RPS6KC1: variants seen among roughly 807,000 people sequenced by gnomAD.
RPS6KC1 encodes the protein inactive ribosomal protein S6 kinase delta-1.
In RPS6KC1, 54 loss-of-function variants were observed where a neutral mutation model predicts 103.8. The ratio of observed to expected loss-of-function variants is 0.52; its 90% confidence interval spans 0.42 to 0.65. The LOEUF (loss-of-function observed/expected upper bound fraction) is 0.65, where lower values mean the gene tolerates loss of function less well. Ranked by LOEUF, RPS6KC1 falls within the 30% of genes least tolerant of loss-of-function variation. The probability of loss-of-function intolerance (pLI) is 0.00; values close to 1 mark genes in which losing one functional copy is unlikely to be tolerated. For synonymous variants in RPS6KC1, 439 were observed against 438.7 expected, an observed-to-expected ratio of 1.00 and a Z score of -0.01; for missense variants, 1,151 against 1,253.8, an observed-to-expected ratio of 0.92 and a Z score of 1.24.
At chr1:213,331,305 G>A in the RPS6KC1 span, among the ~76,000 whole-genome samples, 3 of 152,218 alleles carry the variant, frequency 2.0e-5, no homozygotes, top group Non-Finnish European at 4.4e-5. Flanking sequence ...CCCACTCTGT[G>A]CAGGAGGGGT....
In RPS6KC1 at chr1:213,241,099, T is replaced by G; in HGVS notation, c.1623T>G (p.Gly541=). 6.2e-7 allele frequency: 1 copy of G among 1,613,666 alleles called. No homozygotes were observed. Among genetic ancestry groups the G allele is most frequent in the Non-Finnish European group, 8.5e-7 (1 of 1,179,912 alleles). The change falls in exon 11 of 15, where the codon GGT becomes GGG. Residue 541 remains glycine, a synonymous_variant. Transcript: ENST00000366960. ...CCTTCATGAAGACTGAAGGGAATGG[T>G]GTTGATACAAAAGCTATTAAAAGCT... ...EEPFMKTEGN[G]VDTKAIKSFP...
At chr1:213,656,341 C>T in the RPS6KC1 span, among the ~76,000 whole-genome samples, 1 of 152,178 alleles carries the variant, frequency 6.6e-6, no homozygotes, top group Non-Finnish European at 1.5e-5. Flanking sequence ...CAAAACGTGA[C>T]AGCACTGGGC....
chr1:213,858,300 A>G, the RPS6KC1 span, among the ~76,000 whole-genome samples: 1 of 152,188 alleles, frequency 6.6e-6, no homozygotes, highest in Non-Finnish European at 1.5e-5. Flanking sequence ...ACTTGTGCCC[A>G]TTTTACAGGT....
In RPS6KC1 at chr1:213,051,295, C is replaced by T. The variant is rs2148218889; in HGVS notation, c.-110C>T. The T allele has an allele frequency of 3.9e-6, 3 of 760,900 alleles. No individual in the cohort carries two copies. The highest frequency in any genetic ancestry group is 2.7e-5 in the East Asian group (1 of 37,196). 47.1% of individuals were successfully genotyped at this position (760,900 alleles called of 1,614,324 possible). ...CGCCGCCGTGGAGCCGCCTTGGAGC[C>T]ACCGCCCCCTCGCCGCTTCGCCGCT... On this transcript the variant is annotated 5_prime_UTR_variant, in exon 1 of 15. Transcript: ENST00000366960.
At chr1:213,799,702 G>C in the RPS6KC1 span, among the ~76,000 whole-genome samples, 1 of 152,154 alleles carries the variant, frequency 6.6e-6, no homozygotes, top group Non-Finnish European at 1.5e-5. Context: ...TGAGATACAA[G>C]AACAGGATAA....
At chr1:213,315,206 A>G in the RPS6KC1 span, among the ~76,000 whole-genome samples, 1 of 152,222 alleles carries the variant, frequency 6.6e-6, no homozygotes, top group Admixed American at 6.5e-5. Context: ...GACCCTTTCA[A>G]CATCATGTGA....
At chr1:213,239,114 A>T (rs188221663) in intron 10 of RPS6KC1, among the ~76,000 whole-genome samples, 13 of 152,326 alleles carry the variant, frequency 8.5e-5, no homozygotes, top group Non-Finnish European at 1.5e-4. Flanking sequence ...TAAGAAAAAA[A>T]TGAGAGGAAA....
At position 213,273,505 on chromosome 1, in the gene RPS6KC1, C is replaced by G. The variant is rs2095087754; in HGVS notation, c.*871C>G. 6.6e-6 allele frequency: 1 copy of G among 151,834 alleles called. No homozygotes were observed. The highest frequency in any genetic ancestry group is 2.4e-5 in the African/African-American group (1 of 41,254). The allele number at this position is 151,834 out of a possible 1,614,324, so 9.4% of individuals were successfully genotyped here. A position where few individuals can be genotyped will look rare whatever the true frequency, so the allele number is the denominator to read the frequency against. On this transcript the variant is annotated 3_prime_UTR_variant, in exon 15 of 15. Transcript: ENST00000366960. ...TTAATAACCCTCCCCCCTTTTTTTCCTTGAAGAAATGCGTCTGTTCCTTTC... is the reference window on the plus strand; with the variant it reads ...TTAATAACCCTCCCCCCTTTTTTTCGTTGAAGAAATGCGTCTGTTCCTTTC...
the RPS6KC1 span, among the ~76,000 whole-genome samples, chr1:213,354,937 G>T: frequency 6.6e-6 from 1 of 152,310 alleles, no homozygotes; most frequent in East Asian, 1.9e-4. Context: ...GGAAAATCAG[G>T]CTGGGTGCAG....
At chr1:213,582,170 A>G in the RPS6KC1 span, among the ~76,000 whole-genome samples, 1 of 148,480 alleles carries the variant, frequency 6.7e-6, no homozygotes, top group African/African-American at 2.5e-5. Context: ...ATGGGAATTT[A>G]TTGAATACGT....
chr1:213,751,610 A>G, the RPS6KC1 span, among the ~76,000 whole-genome samples: 5 of 152,156 alleles, frequency 3.3e-5, no homozygotes, highest in Non-Finnish European at 7.4e-5. Flanking sequence ...GTAACAGAGC[A>G]GGTGAGTGCC....
the RPS6KC1 span, among the ~76,000 whole-genome samples, chr1:213,508,260 A>G: frequency 5.3e-5 from 8 of 152,260 alleles, no homozygotes; most frequent in African/African-American, 1.9e-4. Flanking sequence ...GTGTGCATTG[A>G]AAAAGCCTGT....
the RPS6KC1 span, among the ~76,000 whole-genome samples, chr1:213,316,896 C>A: frequency 6.6e-6 from 1 of 152,124 alleles, no homozygotes; most frequent in Non-Finnish European, 1.5e-5. Context: ...TTGGTGTTAT[C>A]TGAGAAGCTA....
the RPS6KC1 span, among the ~76,000 whole-genome samples, chr1:213,851,142 G>C: frequency 2.6e-5 from 4 of 152,048 alleles, no homozygotes; most frequent in Non-Finnish European, 5.9e-5. Flanking sequence ...AGAAAACCAA[G>C]GTGAGAATTC....
At chr1:213,242,702 G>T in intron 12 of RPS6KC1, 44 bp downstream of exon 12, 1 of 1,359,890 alleles carries the variant, frequency 7.4e-7, no homozygotes, top group South Asian at 1.2e-5. Context: ...AAAGTGGTTC[G>T]GCAGCTCTCA....
the RPS6KC1 span, among the ~76,000 whole-genome samples, chr1:213,548,173 A>G: frequency 1.4e-4 from 21 of 152,376 alleles, no homozygotes; most frequent in South Asian, 8.3e-4. Context: ...AAGTGATTCA[A>G]CTACAGCTCC....
intron 12 of RPS6KC1, among the ~76,000 whole-genome samples, chr1:213,256,551 G>A (rs1305402002): frequency 6.6e-5 from 10 of 150,808 alleles, no homozygotes; most frequent in South Asian, 2.1e-4. Flanking sequence ...AAAAAAAGTC[G>A]CAAAAAAAAT....
intron 8 of RPS6KC1, among the ~76,000 whole-genome samples, chr1:213,228,755 A>G (rs1453462518): frequency 6.6e-6 from 1 of 152,106 alleles, no homozygotes; most frequent in Non-Finnish European, 1.5e-5. Context: ...AAAATAAAAT[A>G]AAATAAATCA....
the RPS6KC1 span, among the ~76,000 whole-genome samples, chr1:213,839,516 G>C: frequency 6.6e-6 from 1 of 152,072 alleles, no homozygotes; most frequent in African/African-American, 2.4e-5. Context: ...GTTCATTATG[G>C]GTTCTCACAA....
Sources: gnomAD v4.1 joint callset for allele counts (sites outside exome capture counted in the v4.1 genomes callset) on GRCh38, gnomAD v4.1.1 for gene constraint, MANE v1.5 for transcripts, NCBI Gene and HGNC (gene_info 2026-07-23, HGNC 2026-07-21) for gene names.